Variants in VPS13B observed in about 807,000 individuals in gnomAD.
VPS13B encodes intermembrane lipid transfer protein VPS13B.
Under a neutral mutation model 426.4 loss-of-function variants are expected in VPS13B, and 285 were observed. That is an observed-to-expected ratio of 0.67 (90% confidence interval 0.61 to 0.74). VPS13B has a LOEUF of 0.74. VPS13B is among the 30% of genes least tolerant of loss of function. The pLI is 0.00. For missense variants in VPS13B, 4,537 were observed against 4,782.6 expected, an observed-to-expected ratio of 0.95 and a Z score of 1.51; for synonymous variants, 1,676 against 1,676.4, an observed-to-expected ratio of 1.00 and a Z score of 0.01.
intron 34 of VPS13B, among the ~76,000 whole-genome samples, chr8:99,658,603 T>C (rs1267510313): frequency 6.6e-6 from 1 of 152,218 alleles, no homozygotes; most frequent in Non-Finnish European, 1.5e-5. Context: ...ATGATAATTC[T>C]CCAGTATGTT....
intron 39 of VPS13B, among the ~76,000 whole-genome samples, chr8:99,753,662 G>T (rs565847388): frequency 6.6e-6 from 1 of 152,146 alleles, no homozygotes; most frequent in Admixed American, 6.5e-5. Flanking sequence ...AGATAACTGG[G>T]TCATATGTTA....
At chr8:99,015,342 G>A (rs1841557290) in intron 2 of VPS13B, among the ~76,000 whole-genome samples, 1 of 150,260 alleles carries the variant, frequency 6.7e-6, no homozygotes, top group African/African-American at 2.5e-5. Flanking sequence ...TCAGCCTCCT[G>A]AGTAGTTGGG....
At chr8:99,366,120 C>T (rs1406434492) in intron 19 of VPS13B, among the ~76,000 whole-genome samples, 1 of 152,092 alleles carries the variant, frequency 6.6e-6, no homozygotes, top group Non-Finnish European at 1.5e-5. Flanking sequence ...ATTTGGTCTA[C>T]AGTGCAGATT....
chr8:99,719,104 C>T (rs1274022745), intron 37 of VPS13B, among the ~76,000 whole-genome samples: 3 of 152,090 alleles, frequency 2.0e-5, no homozygotes, highest in Non-Finnish European at 4.4e-5. Context: ...ATATATTTAG[C>T]AATAAACATG....
At chr8:99,690,633 C>T (rs1330999524) in intron 35 of VPS13B, among the ~76,000 whole-genome samples, 1 of 151,392 alleles carries the variant, frequency 6.6e-6, no homozygotes, top group African/African-American at 2.4e-5. Context: ...TATTTTATAT[C>T]CAAAATATAA....
At position 99,391,454 on chromosome 8, in the gene VPS13B, A is replaced by G. The variant is rs531238777; in HGVS notation, c.2935-103A>G. On this transcript the variant is annotated intron_variant, in intron 20 of 61. Transcript: ENST00000357162. ...TTACAATAATGAAGTCTCAGCCCCAACTTGTGAAGGACTGTCCTCAGTATT... is the reference window on the plus strand; with the variant it reads ...TTACAATAATGAAGTCTCAGCCCCAGCTTGTGAAGGACTGTCCTCAGTATT... The G allele has an allele frequency of 7.7e-5, 122 of 1,574,248 alleles. No homozygotes were observed. The African/African-American group carries it at 1.3e-3, about 17-fold the overall frequency.
Position 99,699,912 on chromosome 8 carries a change from A to G in VPS13B, c.6434A>G (p.Lys2145Arg). 1 of 1,614,056 alleles carries G rather than the reference A, an allele frequency of 6.2e-7. No individual in the cohort carries two copies. The highest frequency in any genetic ancestry group is 8.5e-7 in the Non-Finnish European group (1 of 1,179,996). Residue 2145 changes from lysine (K) to arginine (R), a missense_variant, in exon 36 of 62, where the codon AAG becomes AGG. Lys to Arg is a conservative substitution (Grantham distance 26, BLOSUM62 2). Transcript: ENST00000357162. ...LSNLNGSLSV[K>R]ATQKVPGIIL... ...AACCTCAATGGAAGCCTTAGTGTCA[A>G]GGCAACACAAAAAGTACCTGGTAAG...
intron 18 of VPS13B, among the ~76,000 whole-genome samples, chr8:99,274,829 T>C (rs1286196823): frequency 1.3e-5 from 2 of 152,160 alleles, no homozygotes; most frequent in Non-Finnish European, 2.9e-5. Flanking sequence ...ATTTAATTTT[T>C]AGAAGACAGT....
intron 21 of VPS13B, among the ~76,000 whole-genome samples, chr8:99,395,571 C>T (rs1426283582): frequency 6.6e-6 from 1 of 152,064 alleles, no homozygotes; most frequent in Admixed American, 6.6e-5. Flanking sequence ...TGTAAATCAG[C>T]CTCTGAAGGA....
rs553547217 is a variant in VPS13B, at chr8:99,722,593, G to A, written c.7050+1546G>A. Among the ~76,000 whole-genome samples the A allele has an allele frequency of 6.7e-4, 99 of 148,696 alleles. 3 individuals are homozygous for A. The highest frequency in any genetic ancestry group is 5.4e-4 in the Admixed American group (8 of 14,760). On this transcript the variant is annotated intron_variant, in intron 39 of 61. Transcript: ENST00000357162. The stretch of plus-strand genomic sequence containing the variant: ...AAGATCTCGGCTCACTGCAAGCTCC[G>A]CCTCCTGGGTTCAGGCCATTCTCCT...
intron 2 of VPS13B, among the ~76,000 whole-genome samples, chr8:99,037,187 A>G (rs1842782529): frequency 6.6e-6 from 1 of 152,140 alleles, no homozygotes; most frequent in South Asian, 2.1e-4. Context: ...TTTTAAAAAT[A>G]CTGTGATAAT....
intron 24 of VPS13B, among the ~76,000 whole-genome samples, chr8:99,479,176 T>A (rs1819905972): frequency 6.6e-6 from 1 of 152,212 alleles, no homozygotes; most frequent in African/African-American, 2.4e-5. Context: ...TCATTCTGTA[T>A]TTCTGAGTAG....
intron 19 of VPS13B, among the ~76,000 whole-genome samples, chr8:99,298,260 G>A (rs138909421): frequency 8.2e-4 from 125 of 152,266 alleles, no homozygotes; most frequent in African/African-American, 2.8e-3. Context: ...AGGCCGAGGT[G>A]GGTGGATCAT....
In VPS13B at chr8:99,556,466, G is replaced by C. The variant is rs772896099; in HGVS notation, c.4762G>C (p.Gly1588Arg). ...CCTTTACAGGAGAGCCTTGAACTTAGGAATTCTTCGAGATCCTGGATCAGA... is the reference window on the plus strand; with the variant it reads ...CCTTTACAGGAGAGCCTTGAACTTACGAATTCTTCGAGATCCTGGATCAGA... ...KDIYQRALNL[G>R]ILRDPGSEIE... Residue 1588 changes from glycine (G) to arginine (R), a missense_variant, in exon 31 of 62, where the codon GGA becomes CGA. Gly to Arg is a moderately radical substitution (Grantham distance 125). Transcript: ENST00000357162. 4 of 1,612,572 alleles carry C rather than the reference G, an allele frequency of 2.5e-6. No individual in the cohort carries two copies. The highest frequency in any genetic ancestry group is 4.5e-5 in the East Asian group (2 of 44,802).
intron 19 of VPS13B, among the ~76,000 whole-genome samples, chr8:99,315,111 T>C (rs937995531): frequency 6.6e-6 from 1 of 152,200 alleles, no homozygotes; most frequent in African/African-American, 2.4e-5. Flanking sequence ...ATTCAAGGTT[T>C]TTAAAAATTT....
chr8:99,782,048 T>A (rs775010758), intron 42 of VPS13B, among the ~76,000 whole-genome samples: 1 of 152,164 alleles, frequency 6.6e-6, no homozygotes, highest in Non-Finnish European at 1.5e-5. Flanking sequence ...ACTAGAATAG[T>A]AACAGGCAGG....
chr8:99,162,244 C>G (rs1420453077), intron 15 of VPS13B, among the ~76,000 whole-genome samples: 3 of 151,930 alleles, frequency 2.0e-5, no homozygotes, highest in African/African-American at 7.3e-5. Flanking sequence ...ATTTTAGTAG[C>G]CTTTGAGGAA....
chr8:99,550,691 A>G (rs529025561), intron 30 of VPS13B, among the ~76,000 whole-genome samples: 2 of 152,180 alleles, frequency 1.3e-5, no homozygotes, highest in South Asian at 2.1e-4. Context: ...AGTATTTTAG[A>G]CAATAAATTA....
chr8:99,808,583 C>T (rs1483693245), intron 43 of VPS13B, among the ~76,000 whole-genome samples: 1 of 150,960 alleles, frequency 6.6e-6, no homozygotes, highest in African/African-American at 2.4e-5. Flanking sequence ...TCATTTAAAC[C>T]TGTTTCCTAC....
Sources: gnomAD v4.1 joint callset for allele counts (sites outside exome capture counted in the v4.1 genomes callset) on GRCh38, gnomAD v4.1.1 for gene constraint, MANE v1.5 for transcripts, NCBI Gene and HGNC (gene_info 2026-07-23, HGNC 2026-07-21) for gene names.